Variants in MCOLN2 observed in about 807,000 individuals in gnomAD.
MCOLN2 encodes mucolipin TRP cation channel 2.
MCOLN2 carries 57 observed loss-of-function variants against 67.5 expected under a neutral mutation model. The ratio of observed to expected loss-of-function variants is 0.84; its 90% CI spans 0.68 to 1.05. MCOLN2 has a LOEUF of 1.05. Ranked by LOEUF, MCOLN2 falls within the 50% of genes least tolerant of loss-of-function variation. The pLI is 0.00. For missense variants in MCOLN2, 620 were observed against 678.8 expected, an observed-to-expected ratio of 0.91 and a Z score of 0.96; for synonymous variants, 246 against 233.3, an observed-to-expected ratio of 1.05 and a Z score of -0.50.
At chr1:84,969,737 G>A (rs1441898213) in intron 1 of MCOLN2, among the ~76,000 whole-genome samples, 1 of 152,156 alleles carries the variant, frequency 6.6e-6, no homozygotes, top group Non-Finnish European at 1.5e-5. Flanking sequence ...GCACTGTGCT[G>A]GGTACACAAG....
intron 1 of MCOLN2, among the ~76,000 whole-genome samples, chr1:84,967,595 A>AT (rs568879056): frequency 6.6e-6 from 1 of 152,296 alleles, no homozygotes; most frequent in South Asian, 2.1e-4. Flanking sequence ...TTCTAAATAG[A>AT]TTTTTAAATC....
At chr1:84,994,986 A>G (rs762901386) in intron 1 of MCOLN2, among the ~76,000 whole-genome samples, 2 of 152,130 alleles carry the variant, frequency 1.3e-5, no homozygotes, top group Non-Finnish European at 2.9e-5. Flanking sequence ...GCTAATTTCA[A>G]TATTGTGGTG....
chr1:84,926,757 T>C lies in MCOLN2; in HGVS notation c.1665-36A>G, dbSNP rs369721684. 60 of 1,524,950 alleles carry C rather than the reference T, an allele frequency of 3.9e-5. No homozygotes were observed. In the Middle Eastern group the frequency reaches 7.5e-4, roughly 19 times the overall value. 94.5% of individuals were successfully genotyped at this position (1,524,950 alleles called of 1,614,324 possible). A position where few individuals can be genotyped will look rare whatever the true frequency, so the allele number is the denominator to read the frequency against. On this transcript the variant is annotated intron_variant, in intron 13 of 13. Transcript: ENST00000370608. ...AAGGGAAAGAAGAAAAGAGGAAAGA[T>C]ACAATACTTTAACATCTTTGAGGAG... is the stretch of plus-strand genomic sequence containing the variant.
intron 2 of MCOLN2, among the ~76,000 whole-genome samples, chr1:84,964,697 C>T (rs1377366319): frequency 6.6e-6 from 1 of 152,154 alleles, no homozygotes; most frequent in Non-Finnish European, 1.5e-5. Context: ...AAGGTCCCAT[C>T]TAGGGGTGGT....
rs1648901683 is a variant in MCOLN2 at position 84,958,400 on chromosome 1, A to G, written c.411+129T>C. Reference sequence around the variant, plus strand: ...TGTAGCTTCAGAAATAGCAATAAACATTTTTTGGCAGACTGCAAAACTTAC... The same window carrying G: ...TGTAGCTTCAGAAATAGCAATAAACGTTTTTTGGCAGACTGCAAAACTTAC... On this transcript the variant is annotated intron_variant, in intron 3 of 13. Transcript: ENST00000370608. 4 of 661,538 alleles carry G rather than the reference A, an allele frequency of 6.0e-6. 1 individual carries two copies. In the East Asian group the frequency reaches 1.2e-4, roughly 20 times the overall value. The allele number at this position is 661,538 out of a possible 1,614,324, so 41.0% of individuals were successfully genotyped here. A position where few individuals can be genotyped will look rare whatever the true frequency, so the allele number is the denominator to read the frequency against.
At chr1:84,975,021 C>A (rs1649924944) in intron 1 of MCOLN2, among the ~76,000 whole-genome samples, 1 of 152,194 alleles carries the variant, frequency 6.6e-6, no homozygotes, top group African/African-American at 2.4e-5. Flanking sequence ...AGGCACGATA[C>A]AATAGAACAC....
At chr1:84,963,115 C>A (rs762491546) in intron 2 of MCOLN2, among the ~76,000 whole-genome samples, 1 of 152,202 alleles carries the variant, frequency 6.6e-6, no homozygotes, top group African/African-American at 2.4e-5. Flanking sequence ...CTGTCACTTA[C>A]TAACTGAAGG....
At chr1:84,927,503 T>C (rs1306368814) in intron 13 of MCOLN2, among the ~76,000 whole-genome samples, 1 of 152,358 alleles carries the variant, frequency 6.6e-6, no homozygotes, top group African/African-American at 2.4e-5. Context: ...ACTTGGTTAA[T>C]GGCAGTGTCC....
At position 84,931,342 on chromosome 1, in the gene MCOLN2, A is replaced by C; in HGVS notation, c.1542+20T>G. 7.0e-7 allele frequency: 1 copy of C among 1,421,428 alleles called. No individual in the cohort carries two copies. Among genetic ancestry groups the C allele is most frequent in the Non-Finnish European group, 9.9e-7 (1 of 1,014,306 alleles). 88.1% of individuals were successfully genotyped at this position (1,421,428 alleles called of 1,614,324 possible). On this transcript the variant is annotated intron_variant, in intron 12 of 13. Coordinates refer to ENST00000370608, the MANE Select transcript of MCOLN2 (RefSeq NM_153259.4). ...GAATTTGCAGTGATTTTTTGGCAGC[A>C]AATTTTGATAATTACTTACCTTAAT... is the stretch of plus-strand genomic sequence containing the variant.
At chr1:84,933,312 A>G (rs981672088) in intron 11 of MCOLN2, among the ~76,000 whole-genome samples, 2 of 152,118 alleles carry the variant, frequency 1.3e-5, no homozygotes, top group Non-Finnish European at 2.9e-5. Flanking sequence ...TTACACTACC[A>G]GCCACGTGGC....
At chr1:84,989,131 T>C (rs1180623916) in intron 1 of MCOLN2, among the ~76,000 whole-genome samples, 1 of 152,158 alleles carries the variant, frequency 6.6e-6, no homozygotes, top group East Asian at 1.9e-4. Flanking sequence ...TTTATAACCA[T>C]ATAGCCCAGC....
intron 12 of MCOLN2, among the ~76,000 whole-genome samples, chr1:84,930,316 T>C (rs1284850826): frequency 6.6e-6 from 1 of 151,852 alleles, no homozygotes; most frequent in African/African-American, 2.4e-5. Context: ...CAAGACTAGA[T>C]GAGACCTCCC....
chr1:84,926,800 A>G (rs1442237643), intron 13 of MCOLN2, 79 bp from the exon 14 acceptor site: 4 of 1,079,140 alleles, frequency 3.7e-6, no homozygotes, highest in East Asian at 5.2e-5. Flanking sequence ...AATACTCTAT[A>G]TTCTAGGCCC....
chr1:84,926,447 T>C lies in MCOLN2; in HGVS notation c.*238A>G, dbSNP rs1019959788. ...AACAGACTAATAGAGAATTTTATTA[T>C]CGCTGTTATATTGCACTAATGCCCA... On this transcript the variant is annotated 3_prime_UTR_variant, in exon 14 of 14. Transcript: ENST00000370608. 19 of 366,472 alleles carry C rather than the reference T, an allele frequency of 5.2e-5. No homozygotes were observed. Among genetic ancestry groups the C allele is most frequent in the East Asian group, 1.6e-4 (4 of 25,134 alleles). The allele number at this position is 366,472 out of a possible 1,614,324, so 22.7% of individuals were successfully genotyped here.
At chr1:84,938,902 G>A (rs776002137) in intron 9 of MCOLN2, among the ~76,000 whole-genome samples, 33 of 152,172 alleles carry the variant, frequency 2.2e-4, no homozygotes, top group Non-Finnish European at 3.8e-4. Context: ...TGTGTGAATG[G>A]ATCTCAGGGG....
chr1:84,957,284 A>T (rs568389396), intron 3 of MCOLN2, among the ~76,000 whole-genome samples: 10 of 152,184 alleles, frequency 6.6e-5, no homozygotes, highest in Non-Finnish European at 1.2e-4. Context: ...TCCACAGCTT[A>T]CATCAATGAC....
intron 1 of MCOLN2, among the ~76,000 whole-genome samples, chr1:84,987,439 G>GGTATATAC (rs1439364363): frequency 3.1e-5 from 3 of 97,644 alleles, no homozygotes; most frequent in African/African-American, 1.4e-4. Flanking sequence ...TACGTATATA[G>GGTATATAC]ATATATACAT....
At chr1:84,936,035 G>T (rs55873701) in intron 11 of MCOLN2, among the ~76,000 whole-genome samples, 26,058 of 152,106 alleles carry the variant, frequency 0.17, 2,766 homozygotes, top group South Asian at 0.3. Flanking sequence ...GAGTCAGGCC[G>T]ACCTGGGTTT....
At chr1:84,993,897 T>C (rs113782931) in intron 1 of MCOLN2, among the ~76,000 whole-genome samples, 26 of 152,170 alleles carry the variant, frequency 1.7e-4, no homozygotes, top group African/African-American at 6.3e-4. Flanking sequence ...CCCAAAGTGC[T>C]GGGATTACAG....
Sources: allele counts gnomAD v4.1 joint callset (sites outside exome capture counted in the v4.1 genomes callset), GRCh38; gene constraint gnomAD v4.1.1; transcripts MANE v1.5; gene names NCBI Gene and HGNC (gene_info 2026-07-23, HGNC 2026-07-21).